The following ABCA3 variants were observed in gnomAD, a reference collection of about 807,000 sequenced individuals.
ABCA3 encodes the protein ATP binding cassette subfamily A member 3, also known as phospholipid-transporting ATPase ABCA3.
In ABCA3, 88 loss-of-function variants were observed where a neutral mutation model predicts 172.8. The ratio of observed to expected loss-of-function variants is 0.51; its 90% CI spans 0.43 to 0.61. The LOEUF (loss-of-function observed/expected upper bound fraction) is 0.61. ABCA3 is among the 20% of genes least tolerant of loss of function. The pLI is 0.00. For missense variants in ABCA3, 2,164 were observed against 2,301.0 expected, an observed-to-expected ratio of 0.94 and a Z score of 1.22; for synonymous variants, 1,066 against 983.8, an observed-to-expected ratio of 1.08 and a Z score of -1.56.
At chr16:2,332,789 G>T in intron 1 of ABCA3, 1 of 705,096 alleles carries the variant, frequency 1.4e-6, no homozygotes, top group Non-Finnish European at 2.3e-6. Flanking sequence ...CCATAGGCTT[G>T]AATTTGCCAC....
chr16:2,304,242 A>G, intron 11 of ABCA3, 92 bp from the exon 12 acceptor site: 2 of 1,372,994 alleles, frequency 1.5e-6, no homozygotes, highest in South Asian at 2.3e-5. Flanking sequence ...TGCACATTTG[A>G]CCTTGCATGG....
chr16:2,286,776 A>T lies in ABCA3; in HGVS notation c.3196T>A (p.Cys1066Ser). ...VVDNLLFKLL[C>S]GPHASIVVSN... Reference sequence around the variant, plus strand: ...ACCACAATGGAGGCGTGAGGCCCGCACAGCAGCTTGAACAGAAGGTTGTCC... The same window carrying T: ...ACCACAATGGAGGCGTGAGGCCCGCTCAGCAGCTTGAACAGAAGGTTGTCC... The change falls in exon 22 of 33, where the codon TGC becomes AGC. Residue 1066 changes from cysteine (C) to serine (S), a missense_variant. Physicochemically the swap from Cys to Ser is moderately radical, Grantham distance 112 (BLOSUM62 -1). This residue lies in a region of ABCA3 where 795 missense variants were observed against 881.9 expected (regional missense o/e 0.90). Transcript: ENST00000301732. The surrounding 1 kb of genome is among the most constrained non-coding windows in gnomAD (Gnocchi z 5.2). 6.2e-7 allele frequency: 1 copy of T among 1,614,146 alleles called. No homozygotes were observed. The highest frequency in any genetic ancestry group is 2.2e-5 in the East Asian group (1 of 44,884).
chr16:2,329,504 C>T (rs1478495835), intron 2 of ABCA3, 144 bp downstream of exon 2: 2 of 152,208 alleles, frequency 1.3e-5, no homozygotes, highest in African/African-American at 2.4e-5. Context: ...AACAGACAAC[C>T]TCCCTTACTG....
At chr16:2,295,513 T>C in intron 18 of ABCA3, 77 bp downstream of exon 18, 1 of 1,596,010 alleles carries the variant, frequency 6.3e-7, no homozygotes, top group Non-Finnish European at 8.5e-7. Flanking sequence ...CAGGTGCCTC[T>C]GAGCACAAAG....
chr16:2,336,181 A>T (rs2093751389), intron 1 of ABCA3, among the ~76,000 whole-genome samples: 1 of 152,206 alleles, frequency 6.6e-6, no homozygotes, highest in African/African-American at 2.4e-5. Flanking sequence ...TGCGTTCCCA[A>T]TGATGCTACA....
At position 2,287,153 on chromosome 16, in the gene ABCA3, G is replaced by A. The variant is rs2093664437; in HGVS notation, c.3005-186C>T. The stretch of plus-strand genomic sequence containing the variant: ...AAGGTTTTGTCATCATTCAGTATGT[G>A]GAACTTTGAATGCCAGTCAGGAACC... On this transcript the variant is annotated intron_variant, in intron 21 of 32. Transcript: ENST00000301732. The surrounding 1 kb of genome is among the most constrained non-coding windows in gnomAD (Gnocchi z 4.1). 6.6e-6 allele frequency among the ~76,000 whole-genome samples: 1 copy of A among 152,184 alleles called. No homozygotes were observed. The highest frequency in any genetic ancestry group is 2.4e-5 in the African/African-American group (1 of 41,448).
In ABCA3 at chr16:2,279,604, A is replaced by G. The variant is rs1040689906; in HGVS notation, c.4360-474T>C. Among the ~76,000 whole-genome samples the G allele has an allele frequency of 4.6e-5, 7 of 152,178 alleles. No homozygotes were observed. The highest frequency in any genetic ancestry group is 1.7e-4 in the African/African-American group (7 of 41,430). On this transcript the variant is annotated intron_variant, in intron 28 of 32. Coordinates refer to ENST00000301732, the MANE Select transcript of ABCA3 (RefSeq NM_001089.3). The surrounding 1 kb of genome is among the most constrained non-coding windows in gnomAD (Gnocchi z 4.4). ...CTGCACAAGTGACCACGTCCAGCTG[A>G]ATTAAGACGTGCCTGCTGCCATCTG...
intron 10 of ABCA3, among the ~76,000 whole-genome samples, chr16:2,309,704 A>G (rs1383099832): frequency 6.6e-6 from 1 of 151,970 alleles, no homozygotes; most frequent in Non-Finnish European, 1.5e-5. Flanking sequence ...TGCAGCCTCC[A>G]CCTCCCGGGC....
At position 2,289,460 on chromosome 16, in the gene ABCA3, GCTC is replaced by G. The variant is rs748868457; in HGVS notation, c.2671_2673del (p.Glu891del). ...CCAGTGTTGAGCTTGACAGCGGTGC[GCTC>G]CTCCTCGATGAGGGCTCCAATGCCG... On this transcript the variant is annotated inframe_deletion, in exon 20 of 33. Coordinates refer to ENST00000301732, the MANE Select transcript of ABCA3 (RefSeq NM_001089.3). The G allele has an allele frequency of 1.3e-5, 20 of 1,591,948 alleles. No individual in the cohort carries two copies. In the Admixed American group the frequency reaches 3.5e-4, roughly 28 times the overall value.
intron 17 of ABCA3, among the ~76,000 whole-genome samples, chr16:2,296,131 C>T (rs1024929823): frequency 6.6e-6 from 1 of 152,160 alleles, no homozygotes; most frequent in Non-Finnish European, 1.5e-5. Flanking sequence ...TCAGCAGGAG[C>T]AGGAGCAAGA....
At chr16:2,304,710 C>G (rs1406526104) in intron 11 of ABCA3, among the ~76,000 whole-genome samples, 2 of 142,994 alleles carry the variant, frequency 1.4e-5, no homozygotes, top group Non-Finnish European at 3.0e-5. Flanking sequence ...GAGTCTTGCT[C>G]TGTCTCCCAG....
At chr16:2,289,961 TCACACACACACACACACACACA>T (rs3138606) in intron 19 of ABCA3, among the ~76,000 whole-genome samples, 2 of 138,314 alleles carry the variant, frequency 1.4e-5, no homozygotes, top group East Asian at 4.3e-4. Context: ...GTGAATTACA[TCACACACACACACACACACACA>T]CACACACACA....
At chr16:2,321,673 G>C (rs2141735293) in intron 7 of ABCA3, among the ~76,000 whole-genome samples, 1 of 152,190 alleles carries the variant, frequency 6.6e-6, no homozygotes, top group South Asian at 2.1e-4. Flanking sequence ...CCATGCTTCA[G>C]AGGAGGCACA....
chr16:2,332,149 G>A (rs1382991985), intron 1 of ABCA3, among the ~76,000 whole-genome samples: 3 of 152,056 alleles, frequency 2.0e-5, no homozygotes, highest in South Asian at 2.1e-4. Context: ...AAGAGCCATC[G>A]GCTGTGCCAG....
rs758507587 is a variant in ABCA3, at chr16:2,308,590, T to C, written c.1145A>G (p.Tyr382Cys). Residue 382 changes from tyrosine (Y) to cysteine (C), a missense_variant, in exon 11 of 33, where the codon TAC (tyrosine) becomes TGC (cysteine). Physicochemically the swap from Tyr to Cys is radical, Grantham distance 194. Transcript: ENST00000301732. ...NMAAAFGGFL[Y>C]FFTYIPYFFV... ...GAAGTAGGGGATGTAGGTGAAGAAGTAGAGGAAGCCTCCGAAGGCTGCTGC... is the reference window on the plus strand; with the variant it reads ...GAAGTAGGGGATGTAGGTGAAGAAGCAGAGGAAGCCTCCGAAGGCTGCTGC... 4 of 1,614,116 alleles carry C rather than the reference T, an allele frequency of 2.5e-6. No homozygotes were observed. The highest frequency in any genetic ancestry group is 1.3e-5 in the African/African-American group (1 of 75,036).
At chr16:2,312,144 T>C (rs1168824963) in intron 10 of ABCA3, among the ~76,000 whole-genome samples, 2 of 152,222 alleles carry the variant, frequency 1.3e-5, no homozygotes, top group African/African-American at 4.8e-5. Context: ...AGTCACAGAT[T>C]TGAGTTTGCA....
intron 12 of ABCA3, 28 bp from the exon 13 acceptor site, chr16:2,300,176 T>A: frequency 6.2e-7 from 1 of 1,612,796 alleles, no homozygotes; most frequent in Non-Finnish European, 8.5e-7. Context: ...AGCTGTCAGT[T>A]TGTTTTGTTT....
At chr16:2,338,751 CTTTT>C (rs34719364) in intron 1 of ABCA3, among the ~76,000 whole-genome samples, 3 of 121,596 alleles carry the variant, frequency 2.5e-5, no homozygotes, top group Non-Finnish European at 3.3e-5. Context: ...TCCAATTCAT[CTTTT>C]TTTTTTTTTT....
Position 2,287,928 on chromosome 16 carries a change from T to A in ABCA3, c.3004+98A>T. 1 of 1,470,106 alleles carries A rather than the reference T, an allele frequency of 6.8e-7. No homozygotes were observed. The highest frequency in any genetic ancestry group is 9.3e-7 in the Non-Finnish European group (1 of 1,078,162). The allele number at this position is 1,470,106 out of a possible 1,614,324, so 91.1% of individuals were successfully genotyped here. A position where few individuals can be genotyped will look rare whatever the true frequency, so the allele number is the denominator to read the frequency against. On this transcript the variant is annotated intron_variant, in intron 21 of 32. Coordinates refer to ENST00000301732, the MANE Select transcript of ABCA3 (RefSeq NM_001089.3). This position sits in a 1 kb window ranked among gnomAD's most constrained non-coding sequence, Gnocchi z 4.1. ...GTACATTCGGAACAGCCAAGAACCA[T>A]CCTCCCCAGATGTCGACCCTGCTGC... is the stretch of plus-strand genomic sequence containing the variant.
Sources: gnomAD v4.1 joint callset for allele counts (sites outside exome capture counted in the v4.1 genomes callset) on GRCh38, gnomAD v4.1.1 for gene constraint, gnomAD v4.1.1 regional missense constraint, Gnocchi (gnomAD v3.1) non-coding constraint, MANE v1.5 for transcripts, NCBI Gene and HGNC (gene_info 2026-07-23, HGNC 2026-07-21) for gene names.